The following NEXMIF variants were observed in gnomAD, a reference collection of about 807,000 sequenced individuals.
The protein encoded by NEXMIF is XLMR protein related to neurite extension.
A neutral mutation model predicts 62.1 loss-of-function variants in NEXMIF; 8 were observed. That is an observed-to-expected ratio of 0.13 (90% CI 0.08 to 0.23). The LOEUF is 0.23. Ranked by LOEUF, NEXMIF falls within the 10% of genes least tolerant of loss-of-function variation. NEXMIF has a pLI of 1.00. For synonymous variants in NEXMIF, 404 were observed against 416.6 expected, an observed-to-expected ratio of 0.97 and a Z score of 0.37; for missense variants, 976 against 1,113.3, an observed-to-expected ratio of 0.88 and a Z score of 1.75.
At chrX:74,896,217 C>T (rs947954272) in intron 1 of NEXMIF, among the ~76,000 whole-genome samples, 1 of 111,859 alleles carries the variant, frequency 8.9e-6, no homozygotes, top group Non-Finnish European at 1.9e-5. Flanking sequence ...TTCCCACTTA[C>T]TCCTCCCCAT....
At chrX:74,843,714 G>A (rs1252191833) in intron 1 of NEXMIF, among the ~76,000 whole-genome samples, 8 of 112,042 alleles carry the variant, frequency 7.1e-5, no homozygotes, top group South Asian at 3.7e-4. Context: ...GTGCCCAGCC[G>A]GGTCTTGCTT....
At chrX:74,818,903 A>T (rs773015898) in intron 1 of NEXMIF, among the ~76,000 whole-genome samples, 4 of 111,905 alleles carry the variant, frequency 3.6e-5, no homozygotes, top group Non-Finnish European at 7.5e-5. Flanking sequence ...CCACAATGAG[A>T]TACCCTCTCA....
intron 1 of NEXMIF, among the ~76,000 whole-genome samples, chrX:74,749,949 C>A (rs866340828): frequency 9.0e-6 from 1 of 111,614 alleles, no homozygotes; most frequent in Non-Finnish European, 1.9e-5. Flanking sequence ...TAATGTTTGG[C>A]TGAAATAGGT....
chrX:74,794,062 G>A (rs1203546312), intron 1 of NEXMIF, among the ~76,000 whole-genome samples: 25 of 93,382 alleles, frequency 2.7e-4, no homozygotes, highest in Non-Finnish European at 4.3e-4. Context: ...CTGCATTTTA[G>A]AGTTTCCAGT....
intron 1 of NEXMIF, among the ~76,000 whole-genome samples, chrX:74,799,735 A>G (rs1261824751): frequency 8.9e-6 from 1 of 111,916 alleles, no homozygotes; most frequent in Non-Finnish European, 1.9e-5. Context: ...GGCTCAAGGG[A>G]TACTCCTGCC....
At chrX:74,835,879 G>T (rs952445328) in intron 1 of NEXMIF, among the ~76,000 whole-genome samples, 4 of 112,165 alleles carry the variant, frequency 3.6e-5, no homozygotes, top group Non-Finnish European at 7.5e-5. Flanking sequence ...CCACAAGCTG[G>T]TCAGGAGATG....
rs184800654 is a variant in NEXMIF at position 74,734,778 on chromosome X, G to A, written c.*4627C>T. 6 of 112,121 alleles carry A rather than the reference G, an allele frequency of 5.4e-5. No individual in the cohort carries two copies. Among genetic ancestry groups the A allele is most frequent in the African/African-American group, 1.6e-4 (5 of 30,823 alleles). The allele number at this position is 112,121 out of a possible 1,213,427, so 9.2% of individuals were successfully genotyped here. On this transcript the variant is annotated 3_prime_UTR_variant, in exon 4 of 4. Transcript: ENST00000055682. The stretch of plus-strand genomic sequence containing the variant: ...AAGAGTACATCTCAAGTATGTAGCT[G>A]CAATGGGAGCTCTGCTTCACGACTG...
chrX:74,775,330 T>C (rs2080225794), intron 1 of NEXMIF, among the ~76,000 whole-genome samples: 1 of 111,828 alleles, frequency 8.9e-6, no homozygotes, highest in South Asian at 3.8e-4. Context: ...CCATAATATG[T>C]CCAAATTGAT....
intron 1 of NEXMIF, among the ~76,000 whole-genome samples, chrX:74,783,697 G>A (rs764108419): frequency 1.6e-3 from 176 of 111,700 alleles, no homozygotes; most frequent in Middle Eastern, 0.014. Flanking sequence ...ATGAGTTTGG[G>A]GAGAGCTACA....
rs926532524 is a variant in NEXMIF, at chrX:74,735,734, A to G, written c.*3671T>C. 8.9e-6 allele frequency: 1 copy of G among 111,826 alleles called. No individual in the cohort carries two copies. The highest frequency in any genetic ancestry group is 3.3e-5 in the African/African-American group (1 of 30,666). 9.2% of individuals were successfully genotyped at this position (111,826 alleles called of 1,213,427 possible). On this transcript the variant is annotated 3_prime_UTR_variant, in exon 4 of 4. Transcript: ENST00000055682. ...AGGTTTGAAAACATCAGGAAAAGGT[A>G]AGGCCTTGACACATAGTTGCAGAGT...
intron 1 of NEXMIF, among the ~76,000 whole-genome samples, chrX:74,852,032 T>A (rs2080515937): frequency 1.8e-5 from 2 of 109,130 alleles, no homozygotes; most frequent in South Asian, 7.8e-4. Context: ...TGAATGGATT[T>A]AAAAAAAAAT....
chrX:74,875,029 T>G (rs1489718932), intron 1 of NEXMIF, among the ~76,000 whole-genome samples: 1 of 111,412 alleles, frequency 9.0e-6, no homozygotes, highest in African/African-American at 3.3e-5. Context: ...TCCAACACTA[T>G]GTTGAATAGG....
At chrX:74,864,512 A>G (rs955999011) in intron 1 of NEXMIF, among the ~76,000 whole-genome samples, 1 of 111,142 alleles carries the variant, frequency 9.0e-6, no homozygotes. Flanking sequence ...CTGTTGTTAT[A>G]ATAGTGGATA....
Position 74,735,673 on chromosome X carries a change from A to C in NEXMIF, c.*3732T>G, listed in dbSNP as rs1192482575. 1 of 112,286 alleles carries C rather than the reference A, an allele frequency of 8.9e-6. No individual in the cohort carries two copies. The highest frequency in any genetic ancestry group is 3.2e-5 in the African/African-American group (1 of 30,831). 9.3% of individuals were successfully genotyped at this position (112,286 alleles called of 1,213,427 possible). On this transcript the variant is annotated 3_prime_UTR_variant, in exon 4 of 4. Coordinates refer to ENST00000055682, the MANE Select transcript of NEXMIF (RefSeq NM_001008537.3). ...CCAGCTAGCACCAAGGACTTCAGTG[A>C]GATGGCTGAAGAAGTGATGATCAAA...
chrX:74,793,613 C>G (rs1340628345), intron 1 of NEXMIF, among the ~76,000 whole-genome samples: 1 of 110,110 alleles, frequency 9.1e-6, no homozygotes, highest in East Asian at 2.9e-4. Context: ...TCAGGTACAC[C>G]AATCAGACGT....
At chrX:74,907,334 A>ACCCCCCCCCCCCCCC (rs56726810) in intron 1 of NEXMIF, among the ~76,000 whole-genome samples, 4 of 53,047 alleles carry the variant, frequency 7.5e-5, no homozygotes, top group Non-Finnish European at 1.2e-4. Context: ...AAGCAAGAGC[A>ACCCCCCCCCCCCCCC]CCCCCCCCCC....
At chrX:74,882,570 A>G (rs759139979) in intron 1 of NEXMIF, among the ~76,000 whole-genome samples, 1 of 109,979 alleles carries the variant, frequency 9.1e-6, no homozygotes, top group East Asian at 2.9e-4. Context: ...GTCTGAGATC[A>G]AACTGCAAGG....
chrX:74,830,000 G>A (rs771652237), intron 1 of NEXMIF, among the ~76,000 whole-genome samples: 1 of 111,336 alleles, frequency 9.0e-6, no homozygotes, highest in South Asian at 3.8e-4. Context: ...TCCGTGAGTT[G>A]TCTCTTCACT....
intron 1 of NEXMIF, among the ~76,000 whole-genome samples, chrX:74,789,487 T>C (rs1373805316): frequency 2.2e-4 from 24 of 110,684 alleles, no homozygotes; most frequent in South Asian, 1.9e-3. Context: ...TGGGTATATA[T>C]CCAGTAATGG....
Sources: gnomAD v4.1 joint callset for allele counts (sites outside exome capture counted in the v4.1 genomes callset) on GRCh38, gnomAD v4.1.1 for gene constraint, MANE v1.5 for transcripts, NCBI Gene and HGNC (gene_info 2026-07-23, HGNC 2026-07-21) for gene names.